The following SEMA3A variants were observed in gnomAD, a reference collection of about 807,000 sequenced individuals.
SEMA3A encodes the protein semaphorin 3A, also known as semaphorin-3A.
In SEMA3A, 29 loss-of-function variants were observed where a neutral mutation model predicts 97.9. The observed-to-expected ratio is 0.30, with a 90% CI of 0.22 to 0.40. The LOEUF (loss-of-function observed/expected upper bound fraction) is 0.40. Among genes scored for constraint, SEMA3A ranks in the 10% least tolerant of loss-of-function variants. The pLI, the probability that SEMA3A is intolerant of heterozygous loss-of-function variation, is 1.00. For synonymous variants in SEMA3A, 321 were observed against 323.7 expected, an observed-to-expected ratio of 0.99 and a Z score of 0.09; for missense variants, 763 against 951.3, an observed-to-expected ratio of 0.80 and a Z score of 2.60.
At chr7:84,160,876 A>G (rs1797010055) in intron 1 of SEMA3A, among the ~76,000 whole-genome samples, 1 of 151,834 alleles carries the variant, frequency 6.6e-6, no homozygotes, top group Non-Finnish European at 1.5e-5. Context: ...GTGAAACTCC[A>G]TCTCAAAAAA....
intron 1 of SEMA3A, among the ~76,000 whole-genome samples, chr7:84,395,420 T>G (rs1243043136): frequency 1.3e-5 from 2 of 152,080 alleles, no homozygotes; most frequent in Non-Finnish European, 2.9e-5. Flanking sequence ...ACATCATATA[T>G]TAACTATCTT....
chr7:84,148,765 G>A (rs377224141), intron 1 of SEMA3A, among the ~76,000 whole-genome samples: 5 of 152,036 alleles, frequency 3.3e-5, no homozygotes, highest in African/African-American at 4.8e-5. Flanking sequence ...CCAGCTACTC[G>A]ACAAGAAGCC....
intron 3 of SEMA3A, among the ~76,000 whole-genome samples, chr7:84,211,578 C>T (rs1029867409): frequency 6.6e-6 from 1 of 151,650 alleles, no homozygotes; most frequent in African/African-American, 2.4e-5. Context: ...GCTGGGACTG[C>T]ACCATTGCAC....
At chr7:84,075,301 G>A (rs370682630) in intron 4 of SEMA3A, among the ~76,000 whole-genome samples, 54 of 151,492 alleles carry the variant, frequency 3.6e-4, no homozygotes, top group African/African-American at 1.1e-3. Flanking sequence ...AGCCTCCCGA[G>A]TAGCTGGGAT....
intron 1 of SEMA3A, among the ~76,000 whole-genome samples, chr7:84,190,960 TATAC>T (rs1562842806): frequency 1.2e-5 from 1 of 82,634 alleles, no homozygotes; most frequent in Non-Finnish European, 2.3e-5. Flanking sequence ...TGTATTGGTA[TATAC>T]ACACACACAC....
intron 1 of SEMA3A, among the ~76,000 whole-genome samples, chr7:84,150,168 T>C (rs1355568991): frequency 6.6e-6 from 1 of 152,208 alleles, no homozygotes; most frequent in Non-Finnish European, 1.5e-5. Flanking sequence ...AACTTTACCC[T>C]CAAATTAATA....
chr7:84,094,681 T>TA (rs909248181), intron 4 of SEMA3A, among the ~76,000 whole-genome samples: 6 of 151,754 alleles, frequency 4.0e-5, no homozygotes, highest in South Asian at 2.1e-4. Context: ...GATTCTAAAA[T>TA]AAAAAAAACC....
chr7:84,394,291 T>A (rs1584288164), intron 1 of SEMA3A, among the ~76,000 whole-genome samples: 1 of 152,248 alleles, frequency 6.6e-6, no homozygotes, highest in South Asian at 2.1e-4. Context: ...AAAGTATTTT[T>A]AACTTCTATG....
intron 1 of SEMA3A, among the ~76,000 whole-genome samples, chr7:84,401,546 G>C (rs902704831): frequency 6.7e-6 from 1 of 148,972 alleles, no homozygotes; most frequent in South Asian, 2.1e-4. Flanking sequence ...TCCTGACATA[G>C]CCACAGCAAT....
chr7:84,463,841 T>A (rs1459695125), intron 1 of SEMA3A, among the ~76,000 whole-genome samples: 1 of 152,130 alleles, frequency 6.6e-6, no homozygotes, highest in Non-Finnish European at 1.5e-5. Flanking sequence ...ATAACTTTAT[T>A]CCTAACATAT....
At chr7:84,325,427 G>A (rs1309747644) in intron 2 of SEMA3A, among the ~76,000 whole-genome samples, 1 of 152,006 alleles carries the variant, frequency 6.6e-6, no homozygotes, top group Admixed American at 6.6e-5. Flanking sequence ...TTTGAACAAA[G>A]ATCTGAATAA....
At chr7:84,172,272 G>T (rs1403615804) in intron 1 of SEMA3A, among the ~76,000 whole-genome samples, 3 of 152,052 alleles carry the variant, frequency 2.0e-5, no homozygotes, top group African/African-American at 7.2e-5. Context: ...TGAAAATATT[G>T]TGTACATATA....
intron 5 of SEMA3A, among the ~76,000 whole-genome samples, chr7:84,052,487 G>C (rs1285724602): frequency 6.6e-6 from 1 of 152,144 alleles, no homozygotes; most frequent in African/African-American, 2.4e-5. Flanking sequence ...GGATTTTCTA[G>C]TTTATTTGTG....
Position 84,470,430 on chromosome 7 carries a change from AC to A in SEMA3A, c.-246+22029del, listed in dbSNP as rs535892290. Among the ~76,000 whole-genome samples the A allele has an allele frequency of 2.2e-3, 339 of 152,278 alleles. 3 individuals carry two copies. The highest frequency in any genetic ancestry group is 7.8e-3 in the African/African-American group (324 of 41,576). ...TAAATGATTCTGTGAACAGAAGAAG[AC>A]AGTAACAGTTGTAAAGCATTGCTAA... On this transcript the variant is annotated intron_variant, in intron 1 of 3. Coordinates refer to the SEMA3A transcript ENST00000424555.
At chr7:84,393,765 T>A (rs548531870) in intron 1 of SEMA3A, among the ~76,000 whole-genome samples, 2 of 152,176 alleles carry the variant, frequency 1.3e-5, no homozygotes, top group East Asian at 1.9e-4. Context: ...CTTGGGGTGG[T>A]CCCCCTTGGT....
chr7:84,426,988 C>G (rs1395990654), intron 1 of SEMA3A, among the ~76,000 whole-genome samples: 1 of 152,140 alleles, frequency 6.6e-6, no homozygotes, highest in Non-Finnish European at 1.5e-5. Flanking sequence ...AGCCAGAAGA[C>G]TGACCCCTGA....
chr7:84,103,532 T>C (rs1035984682), intron 4 of SEMA3A, among the ~76,000 whole-genome samples: 1 of 152,158 alleles, frequency 6.6e-6, no homozygotes, highest in Non-Finnish European at 1.5e-5. Flanking sequence ...CTTACTGATG[T>C]CCATTTATTA....
At chr7:84,364,108 T>TTAG (rs1219305035) in intron 2 of SEMA3A, among the ~76,000 whole-genome samples, 1 of 144,620 alleles carries the variant, frequency 6.9e-6, no homozygotes, top group Non-Finnish European at 1.5e-5. Flanking sequence ...TGATTTATTA[T>TTAG]AGTTGTTAAA....
chr7:84,455,241 A>G (rs1805660568), intron 1 of SEMA3A, among the ~76,000 whole-genome samples: 1 of 151,964 alleles, frequency 6.6e-6, no homozygotes, highest in South Asian at 2.1e-4. Context: ...AAAAAAGGTT[A>G]AAAATAAAAC....
Sources: allele counts gnomAD v4.1 joint callset (sites outside exome capture counted in the v4.1 genomes callset), GRCh38; gene constraint gnomAD v4.1.1; transcripts MANE v1.5; gene names NCBI Gene and HGNC (gene_info 2026-07-23, HGNC 2026-07-21).